ARHGEF9: variants seen among roughly 807,000 people sequenced by gnomAD.
The protein encoded by ARHGEF9 is rho guanine nucleotide exchange factor 9.
Under a neutral mutation model 41.3 loss-of-function variants are expected in ARHGEF9, and 2 were observed. That is an observed-to-expected ratio of 0.05 (90% CI 0.02 to 0.15). The LOEUF is 0.15. ARHGEF9 is among the 10% of genes least tolerant of loss of function. ARHGEF9 has a pLI of 1.00. For synonymous variants in ARHGEF9, 160 were observed against 154.4 expected (o/e 1.04, Z -0.27); for missense variants, 225 against 424.7 (o/e 0.53, Z 4.13).
intron 1 of ARHGEF9, among the ~76,000 whole-genome samples, chrX:63,784,851 T>C (rs1556464336): frequency 9.0e-6 from 1 of 111,144 alleles, no homozygotes; most frequent in Non-Finnish European, 1.9e-5. Context: ...CCTGGGCACA[T>C]AATCTGGCCC....
chrX:63,665,287 G>C (rs1416914095), intron 7 of ARHGEF9, among the ~76,000 whole-genome samples: 1 of 112,566 alleles, frequency 8.9e-6, no homozygotes, highest in East Asian at 2.8e-4. Context: ...TCAGTGACAA[G>C]AGTAAGACCT....
At chrX:63,651,868 A>C (rs782437451) in intron 8 of ARHGEF9, among the ~76,000 whole-genome samples, 89 of 110,342 alleles carry the variant, frequency 8.1e-4, no homozygotes, top group African/African-American at 2.7e-3. Context: ...GGTATGAGGC[A>C]ATTCACAAAA....
intron 1 of ARHGEF9, among the ~76,000 whole-genome samples, chrX:63,763,957 T>A (rs1477595153): frequency 6.3e-5 from 7 of 111,887 alleles, no homozygotes; most frequent in African/African-American, 2.3e-4. Flanking sequence ...GTCAAAGAGA[T>A]GATGAGATCA....
intron 4 of ARHGEF9, among the ~76,000 whole-genome samples, chrX:63,679,805 T>A (rs1250791240): frequency 1.8e-5 from 2 of 111,955 alleles, no homozygotes; most frequent in African/African-American, 6.5e-5. Flanking sequence ...TTCTCACCAT[T>A]TCTAGTTAAC....
At chrX:63,654,640 T>C in intron 8 of ARHGEF9, among the ~76,000 whole-genome samples, 1 of 111,939 alleles carries the variant, frequency 8.9e-6, no homozygotes, top group East Asian at 2.8e-4. Flanking sequence ...TGCACCAGGA[T>C]TCAATGAGTA....
chrX:63,783,448 G>T (rs1332818650), intron 1 of ARHGEF9, among the ~76,000 whole-genome samples: 1 of 110,762 alleles, frequency 9.0e-6, no homozygotes. Flanking sequence ...TAGAGACGGG[G>T]TTTCTCCACG....
intron 3 of ARHGEF9, among the ~76,000 whole-genome samples, chrX:63,701,263 G>C (rs185849969): frequency 3.2e-4 from 35 of 110,980 alleles, no homozygotes; most frequent in African/African-American, 1.1e-3. Context: ...CTCACAAAAA[G>C]TTTAGACCTC....
rs1282334974 is a variant in ARHGEF9 at position 63,707,175 on chromosome X, T to C, written c.211-726A>G. On this transcript the variant is annotated intron_variant, in intron 2 of 9. Coordinates refer to ENST00000671741, the MANE Select transcript of ARHGEF9 (RefSeq NM_001353921.2). ...AGGAGCTGGGATAGGAGCCAGTCTG[T>C]CTCTAGAGCCTATGCTTTTAAACAC... Among the ~76,000 whole-genome samples the C allele has an allele frequency of 1.9e-4, 21 of 110,957 alleles. No homozygotes were observed. In the Admixed American group the frequency reaches 1.9e-3, roughly 10 times the overall value.
At chrX:63,676,806 A>G (rs73526826) in intron 5 of ARHGEF9, among the ~76,000 whole-genome samples, 1 of 112,743 alleles carries the variant, frequency 8.9e-6, no homozygotes, top group African/African-American at 3.2e-5. Flanking sequence ...TTTAATCAAA[A>G]TTAAGTAAAA....
Position 63,637,882 on chromosome X carries a change from CTGTG to C in ARHGEF9, c.*142_*145del, listed in dbSNP as rs1318115275. ...TGTGTGTGTGTGTGTGTGTGTGTGT[CTGTG>C]TGTGTGTGTGTGTATGTGTACTCAA... On this transcript the variant is annotated 3_prime_UTR_variant, in exon 10 of 10. Transcript: ENST00000671741. 305 of 293,891 alleles carry C rather than the reference CTGTG, an allele frequency of 1.0e-3. 1 individual carries two copies. Among genetic ancestry groups the C allele is most frequent in the Middle Eastern group, 2.0e-3 (2 of 988 alleles). The allele number at this position is 293,891 out of a possible 1,213,427, so 24.2% of individuals were successfully genotyped here.
intron 4 of ARHGEF9, among the ~76,000 whole-genome samples, chrX:63,679,714 A>G (rs1443559012): frequency 8.9e-6 from 1 of 111,762 alleles, no homozygotes; most frequent in Non-Finnish European, 1.9e-5. Context: ...AATAAAGGAC[A>G]CCCATGAAAA....
chrX:63,769,947 C>A (rs1267410700), intron 1 of ARHGEF9, among the ~76,000 whole-genome samples: 1 of 112,067 alleles, frequency 8.9e-6, no homozygotes, highest in Non-Finnish European at 1.9e-5. Context: ...GGGGTCGAGC[C>A]CCCACACTGA....
intron 2 of ARHGEF9, among the ~76,000 whole-genome samples, chrX:63,712,632 T>C (rs73225267): frequency 0.01 from 1,139 of 111,698 alleles, 7 homozygotes; most frequent in Non-Finnish European, 0.017. Context: ...AATTAGACAA[T>C]GGTGATGGTT....
At chrX:63,722,299 T>A (rs1324296434) in intron 2 of ARHGEF9, among the ~76,000 whole-genome samples, 20 of 112,049 alleles carry the variant, frequency 1.8e-4, no homozygotes, top group African/African-American at 5.2e-4. Flanking sequence ...AGGTAGGGAA[T>A]GAAGATACCT....
chrX:63,680,710 G>A (rs782492293), intron 4 of ARHGEF9, among the ~76,000 whole-genome samples: 18 of 111,984 alleles, frequency 1.6e-4, no homozygotes, highest in Non-Finnish European at 3.0e-4. Flanking sequence ...ATTCTTCAGT[G>A]TTCACAGTCA....
intron 8 of ARHGEF9, 148 bp from the exon 9 acceptor site, chrX:63,644,196 C>G: frequency 2.4e-6 from 1 of 416,951 alleles, no homozygotes; most frequent in Non-Finnish European, 3.9e-6. Context: ...TCCCTTTAAC[C>G]CAGTAATTTC....
intron 1 of ARHGEF9, among the ~76,000 whole-genome samples, chrX:63,746,760 T>C (rs1300357857): frequency 1.8e-5 from 2 of 112,355 alleles, no homozygotes; most frequent in African/African-American, 6.5e-5. Context: ...TCCATCTTTT[T>C]CAGACCTATG....
At position 63,700,084 on chromosome X, in the gene ARHGEF9, C is replaced by T. The variant is rs1265723171; in HGVS notation, c.403-2780G>A. 9.0e-5 allele frequency among the ~76,000 whole-genome samples: 10 copies of T among 111,633 alleles called. No homozygotes were observed. In the Admixed American group the frequency reaches 9.5e-4, roughly 11 times the overall value. Reference sequence around the variant, plus strand: ...GAAAATGCAGCTATAAGAAGGCTGCCTGGAATGAAATATTATCAAGGAAAG... The same window carrying T: ...GAAAATGCAGCTATAAGAAGGCTGCTTGGAATGAAATATTATCAAGGAAAG... On this transcript the variant is annotated intron_variant, in intron 3 of 9. Coordinates refer to ENST00000671741, the MANE Select transcript of ARHGEF9 (RefSeq NM_001353921.2).
intron 1 of ARHGEF9, among the ~76,000 whole-genome samples, chrX:63,771,382 T>C (rs1328519424): frequency 8.9e-6 from 1 of 112,022 alleles, no homozygotes; most frequent in East Asian, 2.8e-4. Context: ...TCCAATTTCA[T>C]AGGAAAGGCA....
Sources: allele counts gnomAD v4.1 joint callset (sites outside exome capture counted in the v4.1 genomes callset), GRCh38; gene constraint gnomAD v4.1.1; transcripts MANE v1.5; gene names NCBI Gene and HGNC (gene_info 2026-07-23, HGNC 2026-07-21).